Variants in ASH1L observed in about 807,000 individuals in gnomAD.
ASH1L encodes ASH1 like histone lysine methyltransferase.
ASH1L carries 23 observed loss-of-function variants against 269.0 expected under a neutral mutation model. The observed-to-expected ratio is 0.09, with a 90% CI of 0.06 to 0.12. The LOEUF (loss-of-function observed/expected upper bound fraction) is 0.12, where lower values mean the gene tolerates loss of function less well. Ranked by LOEUF, ASH1L falls within the 10% of genes least tolerant of loss-of-function variation. ASH1L has a pLI of 1.00. For synonymous variants in ASH1L, 1,187 were observed against 1,253.5 expected, an observed-to-expected ratio of 0.95 and a Z score of 1.12; for missense variants, 2,912 against 3,567.8, an observed-to-expected ratio of 0.82 and a Z score of 4.68.
At chr1:155,513,106 G>C (rs986252995) in intron 2 of ASH1L, among the ~76,000 whole-genome samples, 10 of 151,970 alleles carry the variant, frequency 6.6e-5, no homozygotes. Flanking sequence ...TAAATATAAT[G>C]AGTAACTCCT....
At chr1:155,412,522 G>A (rs1275716550) in intron 6 of ASH1L, among the ~76,000 whole-genome samples, 1 of 152,190 alleles carries the variant, frequency 6.6e-6, no homozygotes, top group African/African-American at 2.4e-5. Flanking sequence ...AGGAGGGAAT[G>A]AAAGCTCTAT....
intron 16 of ASH1L, among the ~76,000 whole-genome samples, chr1:155,354,109 T>C (rs998692228): frequency 6.6e-6 from 1 of 152,240 alleles, no homozygotes; most frequent in South Asian, 2.1e-4. Flanking sequence ...AAATAGATTA[T>C]CTGCTGGAAA....
intron 10 of ASH1L, 78 bp from the exon 11 acceptor site, chr1:155,371,061 A>G: frequency 7.9e-7 from 1 of 1,263,008 alleles, no homozygotes; most frequent in Non-Finnish European, 1.1e-6. Context: ...TTTTACAAAC[A>G]TTTAAAAATG....
At chr1:155,383,251 A>C (rs562777675) in intron 7 of ASH1L, among the ~76,000 whole-genome samples, 1 of 152,330 alleles carries the variant, frequency 6.6e-6, no homozygotes, top group South Asian at 2.1e-4. Flanking sequence ...ATAAAAATTT[A>C]GTGTAGCCTA....
At chr1:155,448,623 T>C (rs1663214675) in intron 4 of ASH1L, among the ~76,000 whole-genome samples, 1 of 152,086 alleles carries the variant, frequency 6.6e-6, no homozygotes, top group South Asian at 2.1e-4. Flanking sequence ...GACTCCTAAG[T>C]AGCTGGGATT....
chr1:155,373,583 G>A (rs1656172905), intron 10 of ASH1L, among the ~76,000 whole-genome samples: 1 of 152,154 alleles, frequency 6.6e-6, no homozygotes, highest in Non-Finnish European at 1.5e-5. Flanking sequence ...AGCATTTTGT[G>A]AGCCAATGCA....
chr1:155,459,061 G>T (rs1029075592), intron 4 of ASH1L, among the ~76,000 whole-genome samples: 3 of 151,260 alleles, frequency 2.0e-5, no homozygotes, highest in African/African-American at 7.3e-5. Context: ...GTATTAACAG[G>T]TTGTAAATAT....
In ASH1L at chr1:155,535,758, T is replaced by A. The variant is rs1279775361; in HGVS notation, c.-99-14140A>T. ...ACCTGTAATCCCAGCACTTGGGAGG[T>A]TGAGGCAGGCAGATCACCCGAGGTT... On this transcript the variant is annotated intron_variant, in intron 1 of 27. Transcript: ENST00000392403. Among the ~76,000 whole-genome samples, 3 of 151,038 alleles carry A rather than the reference T, an allele frequency of 2.0e-5. No homozygotes were observed. The South Asian group carries it at 6.3e-4, about 32-fold the overall frequency.
intron 3 of ASH1L, among the ~76,000 whole-genome samples, chr1:155,473,361 T>C (rs558280459): frequency 1.3e-5 from 2 of 152,344 alleles, no homozygotes; most frequent in African/African-American, 2.4e-5. Flanking sequence ...ATGTCTGGCA[T>C]TGCTACATTT....
At position 155,380,109 on chromosome 1, in the gene ASH1L, A is replaced by G; in HGVS notation, c.6111T>C (p.Tyr2037=). 1 of 1,612,036 alleles carries G rather than the reference A, an allele frequency of 6.2e-7. No homozygotes were observed. The highest frequency in any genetic ancestry group is 8.5e-7 in the Non-Finnish European group (1 of 1,178,398). Residue 2037 remains tyrosine, a synonymous_variant, in exon 8 of 28, where the codon TAT becomes TAC. Transcript: ENST00000392403. The part of the protein sequence containing the change: ...LFPAPIHVGK[Y]LRQKRIDFQL... ...GGAAGTCAATTCTCTTTTGTCTTAG[A>G]TACTTTCCTGAAACAAAAAACACTA...
chr1:155,424,473 T>C (rs1220261549), intron 5 of ASH1L, among the ~76,000 whole-genome samples: 1 of 151,958 alleles, frequency 6.6e-6, no homozygotes, highest in African/African-American at 2.4e-5. Context: ...GATGGTGCGA[T>C]CTCGGCTCAC....
intron 13 of ASH1L, among the ~76,000 whole-genome samples, chr1:155,358,504 TA>T (rs963359141): frequency 1.3e-5 from 2 of 151,488 alleles, no homozygotes; most frequent in African/African-American, 4.9e-5. Flanking sequence ...GCTAACATGG[TA>T]AAACCCAGTC....
In ASH1L at chr1:155,438,445, C is replaced by T; in HGVS notation, c.5710G>A (p.Val1904Ile). The T allele has an allele frequency of 6.2e-7, 1 of 1,614,000 alleles. No individual in the cohort carries two copies. Among genetic ancestry groups the T allele is most frequent in the Non-Finnish European group, 8.5e-7 (1 of 1,179,992 alleles). The change falls in exon 5 of 28, where the codon GTA becomes ATA. Residue 1904 changes from valine to isoleucine, a missense_variant. Physicochemically the swap from Val to Ile is conservative, Grantham distance 29 (BLOSUM62 3). Coordinates refer to ENST00000392403, the MANE Select transcript of ASH1L (RefSeq NM_018489.3). Reference sequence around the variant, plus strand: ...TTTTTATGTTCTGGGTTCAGATTTACACTCTGAACAACAGCCTCAATTACA... The same window carrying T: ...TTTTTATGTTCTGGGTTCAGATTTATACTCTGAACAACAGCCTCAATTACA... ...TDVIEAVVQS[V>I]NLNPEHKKGL...
chr1:155,349,638 C>G (rs755597665), intron 17 of ASH1L, 42 bp from the exon 18 acceptor site: 1 of 1,570,712 alleles, frequency 6.4e-7, no homozygotes, highest in South Asian at 1.1e-5. Flanking sequence ...TTCCACCATA[C>G]AAGGGAGGCA....
At chr1:155,395,720 T>A (rs985922318) in intron 6 of ASH1L, among the ~76,000 whole-genome samples, 167 bp from the exon 7 acceptor site, 5 of 152,140 alleles carry the variant, frequency 3.3e-5, no homozygotes, top group Non-Finnish European at 7.4e-5. Context: ...GGCTCCTGGC[T>A]GGGCGTGGGG....
At chr1:155,494,783 C>A (rs1344670895) in intron 2 of ASH1L, among the ~76,000 whole-genome samples, 1 of 152,096 alleles carries the variant, frequency 6.6e-6, no homozygotes, top group East Asian at 1.9e-4. Context: ...ATTTAGAAGT[C>A]AACAGCATAT....
chr1:155,363,976 AAAAC>A (rs1251659985), intron 12 of ASH1L, among the ~76,000 whole-genome samples: 3 of 150,110 alleles, frequency 2.0e-5, no homozygotes, highest in African/African-American at 7.5e-5. Flanking sequence ...CTGTCTCAAA[AAAAC>A]AAAAACAAAA....
chr1:155,340,308 G>T lies in ASH1L; in HGVS notation c.8461-940C>A, dbSNP rs1417313797. 2.6e-5 allele frequency among the ~76,000 whole-genome samples: 4 copies of T among 151,996 alleles called. No homozygotes were observed. The South Asian group carries it at 8.3e-4, about 32-fold the overall frequency. On this transcript the variant is annotated intron_variant, in intron 25 of 27. Transcript: ENST00000392403. ...AGCGATTCTTCTGCCTCAGCCTCCT[G>T]AGTAACTGGGATTACAGGTGCATGC...
intron 21 of ASH1L, among the ~76,000 whole-genome samples, chr1:155,345,465 G>A (rs750155939): frequency 2.3e-4 from 35 of 151,390 alleles, no homozygotes; most frequent in Non-Finnish European, 4.7e-4. Context: ...TTGCAGCCGT[G>A]AGCCACTGCG....
Sources: gnomAD v4.1 joint callset for allele counts (sites outside exome capture counted in the v4.1 genomes callset) on GRCh38, gnomAD v4.1.1 for gene constraint, MANE v1.5 for transcripts, NCBI Gene and HGNC (gene_info 2026-07-23, HGNC 2026-07-21) for gene names.